Variants in SPIDR observed in about 807,000 individuals in gnomAD.
SPIDR encodes the protein DNA repair-scaffolding protein.
Under a neutral mutation model 104.6 loss-of-function variants are expected in SPIDR, and 93 were observed. The observed-to-expected ratio is 0.89, with a 90% CI of 0.75 to 1.06. The LOEUF (loss-of-function observed/expected upper bound fraction) is 1.06, where lower values mean the gene tolerates loss of function less well. Ranked by LOEUF, SPIDR falls within the 50% of genes least tolerant of loss-of-function variation. SPIDR has a pLI of 0.00. For missense variants in SPIDR, 1,154 were observed against 1,111.2 expected (o/e 1.04, Z -0.55); for synonymous variants, 431 against 416.9 (o/e 1.03, Z -0.41).
At chr8:47,505,703 G>A (rs1230319731) in intron 8 of SPIDR, among the ~76,000 whole-genome samples, 1 of 152,162 alleles carries the variant, frequency 6.6e-6, no homozygotes, top group African/African-American at 2.4e-5. Flanking sequence ...TTCTGCGTTG[G>A]TCACGCTGGG....
chr8:47,415,850 A>G (rs1163420895), intron 7 of SPIDR, among the ~76,000 whole-genome samples: 1 of 152,200 alleles, frequency 6.6e-6, no homozygotes, highest in South Asian at 2.1e-4. Context: ...CCAGACACAG[A>G]AGGGTCCATC....
At chr8:47,397,986 A>G (rs1554659690) in intron 6 of SPIDR, among the ~76,000 whole-genome samples, 1 of 152,158 alleles carries the variant, frequency 6.6e-6, no homozygotes, top group Non-Finnish European at 1.5e-5. Flanking sequence ...AGTGGAGGAA[A>G]GAGCTTGAGG....
chr8:47,516,426 CA>C (rs2083162431), intron 8 of SPIDR, among the ~76,000 whole-genome samples: 2 of 152,174 alleles, frequency 1.3e-5, no homozygotes, highest in African/African-American at 2.4e-5. Context: ...GCCTACTAAA[CA>C]CTAACTCCTT....
At chr8:47,550,181 G>C (rs1413386806) in intron 8 of SPIDR, among the ~76,000 whole-genome samples, 2 of 152,144 alleles carry the variant, frequency 1.3e-5, no homozygotes, top group Non-Finnish European at 2.9e-5. Flanking sequence ...TTGTAGTATA[G>C]TTTAAAGTCA....
intron 10 of SPIDR, among the ~76,000 whole-genome samples, chr8:47,655,606 T>A (rs1307965627): frequency 6.6e-6 from 1 of 152,228 alleles, no homozygotes; most frequent in Admixed American, 6.5e-5. Context: ...TTGGAGTTCA[T>A]TGTAGATTCT....
intron 8 of SPIDR, among the ~76,000 whole-genome samples, chr8:47,490,149 T>G (rs2078431592): frequency 6.6e-6 from 1 of 151,938 alleles, no homozygotes; most frequent in African/African-American, 2.4e-5. Flanking sequence ...CTCAAACAAA[T>G]TTACAGGAAA....
intron 10 of SPIDR, among the ~76,000 whole-genome samples, chr8:47,662,529 C>T (rs2154464080): frequency 6.6e-6 from 1 of 152,304 alleles, no homozygotes; most frequent in Admixed American, 6.5e-5. Context: ...CCCACTGGGT[C>T]TAAGGAGACT....
At chr8:47,348,198 C>A (rs1441546030) in intron 5 of SPIDR, among the ~76,000 whole-genome samples, 1 of 152,152 alleles carries the variant, frequency 6.6e-6, no homozygotes, top group Non-Finnish European at 1.5e-5. Context: ...ATTTCTCCTT[C>A]ACTTTTGAAG....
Position 47,261,210 on chromosome 8 carries a change from C to T in SPIDR, c.33+219C>T, listed in dbSNP as rs570981282. 2.6e-5 allele frequency among the ~76,000 whole-genome samples: 4 copies of T among 152,326 alleles called. No individual in the cohort carries two copies. The East Asian group carries it at 7.7e-4, about 29-fold the overall frequency. ...TCCGGTCCAGGCGTGCGGGCCGGGC[C>T]CTCAGCGGCGGTACGGAAAGCGAGG... On this transcript the variant is annotated intron_variant, in intron 1 of 19. Transcript: ENST00000297423.
intron 8 of SPIDR, among the ~76,000 whole-genome samples, chr8:47,503,559 C>T (rs1252681990): frequency 2.7e-5 from 4 of 150,942 alleles, no homozygotes; most frequent in Non-Finnish European, 5.9e-5. Context: ...TTCCTCAATA[C>T]AGCACACTGA....
intron 5 of SPIDR, among the ~76,000 whole-genome samples, chr8:47,317,059 A>G (rs1290928195): frequency 6.6e-6 from 1 of 152,118 alleles, no homozygotes; most frequent in East Asian, 1.9e-4. Context: ...TGCATTTCCA[A>G]CTAAGGTACT....
chr8:47,727,617 G>T (rs925647349), intron 17 of SPIDR, among the ~76,000 whole-genome samples: 2 of 152,176 alleles, frequency 1.3e-5, no homozygotes, highest in Non-Finnish European at 2.9e-5. Context: ...GTATAGCCTA[G>T]CTTTTGTGAA....
chr8:47,492,875 C>T (rs1448360159), intron 8 of SPIDR, among the ~76,000 whole-genome samples: 2 of 152,140 alleles, frequency 1.3e-5, no homozygotes, highest in Non-Finnish European at 2.9e-5. Flanking sequence ...AATGAACTAA[C>T]TCAATATTCC....
chr8:47,413,218 T>C (rs1001901017), intron 7 of SPIDR, among the ~76,000 whole-genome samples: 1 of 152,258 alleles, frequency 6.6e-6, no homozygotes, highest in African/African-American at 2.4e-5. Flanking sequence ...ATTTGCATAC[T>C]GCGTTGACAT....
intron 8 of SPIDR, among the ~76,000 whole-genome samples, chr8:47,505,423 G>T (rs2081315359): frequency 6.6e-6 from 1 of 152,154 alleles, no homozygotes; most frequent in Non-Finnish European, 1.5e-5. Flanking sequence ...GTGGGCATAG[G>T]ACCCTCCAAG....
At chr8:47,645,922 G>A (rs576933920) in intron 10 of SPIDR, among the ~76,000 whole-genome samples, 1 of 152,300 alleles carries the variant, frequency 6.6e-6, no homozygotes, top group Admixed American at 6.5e-5. Flanking sequence ...GTATCTTGAG[G>A]TGGAAGTTTT....
At chr8:47,404,407 A>G (rs1291632565) in intron 6 of SPIDR, among the ~76,000 whole-genome samples, 26 of 152,360 alleles carry the variant, frequency 1.7e-4, no homozygotes, top group African/African-American at 6.0e-4. Flanking sequence ...ATCAGAGTGA[A>G]CAGGCAACCT....
At chr8:47,734,284 A>G (rs2085793826) in intron 19 of SPIDR, among the ~76,000 whole-genome samples, 1 of 152,114 alleles carries the variant, frequency 6.6e-6, no homozygotes, top group South Asian at 2.1e-4. Flanking sequence ...GGCGTGGAAC[A>G]TCACTTGGTG....
intron 7 of SPIDR, among the ~76,000 whole-genome samples, chr8:47,421,361 T>C (rs1048434967): frequency 1.3e-5 from 2 of 152,230 alleles, no homozygotes; most frequent in Admixed American, 6.5e-5. Context: ...TCATTCATTT[T>C]ATCTTCCATC....
Sources: gnomAD v4.1 joint callset for allele counts (sites outside exome capture counted in the v4.1 genomes callset) on GRCh38, gnomAD v4.1.1 for gene constraint, MANE v1.5 for transcripts, NCBI Gene and HGNC (gene_info 2026-07-23, HGNC 2026-07-21) for gene names.